The following BIRC6 variants were observed in gnomAD, a reference collection of about 807,000 sequenced individuals.
The protein encoded by BIRC6 is dual E2 ubiquitin-conjugating enzyme/E3 ubiquitin-protein ligase BIRC6.
BIRC6 carries 98 observed loss-of-function variants against 503.3 expected under a neutral mutation model. The ratio of observed to expected loss-of-function variants is 0.19; its 90% CI spans 0.17 to 0.23. The LOEUF (loss-of-function observed/expected upper bound fraction) is 0.23. Ranked by LOEUF, BIRC6 falls within the 10% of genes least tolerant of loss-of-function variation. The pLI is 1.00. For synonymous variants in BIRC6, 2,240 were observed against 2,078.7 expected, an observed-to-expected ratio of 1.08 and a Z score of -2.11; for missense variants, 5,360 against 5,806.0, an observed-to-expected ratio of 0.92 and a Z score of 2.50.
Position 32,480,150 on chromosome 2 carries a change from A to G in BIRC6, c.7408+533A>G, listed in dbSNP as rs73922730. Among the ~76,000 whole-genome samples the G allele has an allele frequency of 6.4e-3, 966 of 152,052 alleles. 10 individuals are homozygous for G. The highest frequency in any genetic ancestry group is 0.022 in the African/African-American group (909 of 41,476). On this transcript the variant is annotated intron_variant, in intron 37 of 73. Transcript: ENST00000421745. ...ATCTTATGTTTGCTCATGATTTTCTATTTTTTACTTGATATTCTCTTTATC... is the reference window on the plus strand; with the variant it reads ...ATCTTATGTTTGCTCATGATTTTCTGTTTTTTACTTGATATTCTCTTTATC...
chr2:32,514,239 T>C (rs188199928), intron 54 of BIRC6, among the ~76,000 whole-genome samples: 2 of 152,150 alleles, frequency 1.3e-5, no homozygotes. Context: ...GAGGATCACT[T>C]GAACCCAGGA....
At chr2:32,419,456 AAAAT>A (rs1186849258) in intron 10 of BIRC6, among the ~76,000 whole-genome samples, 1 of 152,074 alleles carries the variant, frequency 6.6e-6, no homozygotes, top group Admixed American at 6.5e-5. Context: ...TAAAAGGCAT[AAAAT>A]AAAAAAGTAT....
intron 50 of BIRC6, among the ~76,000 whole-genome samples, chr2:32,507,501 A>T (rs1340142090): frequency 6.6e-6 from 1 of 152,220 alleles, no homozygotes; most frequent in Non-Finnish European, 1.5e-5. Flanking sequence ...CTCAATGTTT[A>T]AAAAAATCAC....
intron 10 of BIRC6, among the ~76,000 whole-genome samples, chr2:32,424,286 TG>T (rs1451581074): frequency 6.6e-6 from 1 of 152,078 alleles, no homozygotes; most frequent in African/African-American, 2.4e-5. Flanking sequence ...ATATACATAT[TG>T]GGTTTGATAC....
At chr2:32,510,768 C>G (rs1326576340) in intron 53 of BIRC6, 134 bp downstream of exon 53, 2 of 605,400 alleles carry the variant, frequency 3.3e-6, no homozygotes, top group Non-Finnish European at 2.9e-6. Flanking sequence ...TACCATATGC[C>G]TCACACGATG....
intron 65 of BIRC6, 120 bp from the exon 66 acceptor site, chr2:32,575,036 G>C: frequency 9.7e-7 from 1 of 1,033,696 alleles, no homozygotes; most frequent in Non-Finnish European, 1.5e-6. Context: ...GCCTGAACCA[G>C]CGTGCCCAGC....
intron 3 of BIRC6, among the ~76,000 whole-genome samples, chr2:32,384,463 G>T (rs2038155255): frequency 6.6e-6 from 1 of 151,930 alleles, no homozygotes; most frequent in African/African-American, 2.4e-5. Context: ...CAGTCCACAG[G>T]CAATGGACTA....
At chr2:32,367,641 C>G (rs1019236382) in intron 1 of BIRC6, among the ~76,000 whole-genome samples, 2 of 151,854 alleles carry the variant, frequency 1.3e-5, no homozygotes, top group Admixed American at 1.3e-4. Flanking sequence ...CTTGGTGAAA[C>G]CCCGTCTCTA....
chr2:32,369,945 A>AAAAAATAT (rs1553373676), intron 1 of BIRC6, among the ~76,000 whole-genome samples: 1 of 44,220 alleles, frequency 2.3e-5, no homozygotes, highest in African/African-American at 1.3e-4. Context: ...AAAAAAAAAA[A>AAAAAATAT]ATATATATAT....
chr2:32,411,734 C>T (rs1416097609), intron 9 of BIRC6, among the ~76,000 whole-genome samples: 2 of 152,068 alleles, frequency 1.3e-5, no homozygotes, highest in Non-Finnish European at 2.9e-5. Context: ...CTGCCTTGGC[C>T]TCCCAAAGTA....
At chr2:32,507,690 G>C (rs1354492208) in intron 50 of BIRC6, among the ~76,000 whole-genome samples, 2 of 152,120 alleles carry the variant, frequency 1.3e-5, no homozygotes, top group East Asian at 1.9e-4. Context: ...TATTCATAGG[G>C]AGCATCAGGT....
In BIRC6 at chr2:32,525,589, A is replaced by C. The variant is rs1162611764; in HGVS notation, c.11881A>C (p.Thr3961Pro). 3.1e-6 allele frequency: 5 copies of C among 1,613,820 alleles called. No individual in the cohort carries two copies. Among genetic ancestry groups the C allele is most frequent in the Non-Finnish European group, 3.4e-6 (4 of 1,179,872 alleles). ...AGCAGAGGCTGCCAACAAAATAATT[A>C]CTGTCCCAGTGTTTCACCTGTTTCA... The part of the protein sequence containing the change: ...SGAEAANKII[T>P]VPVFHLFHKL... The change falls in exon 59 of 74, where the codon ACT becomes CCT. Residue 3961 changes from threonine (T) to proline (P), a missense_variant. This residue lies in a region of BIRC6 where 878 missense variants were observed against 928.9 expected (regional missense o/e 0.95). Coordinates refer to ENST00000421745, the MANE Select transcript of BIRC6 (RefSeq NM_016252.4).
intron 73 of BIRC6, 127 bp downstream of exon 73, chr2:32,611,709 G>A (rs2062886299): frequency 9.9e-7 from 1 of 1,011,770 alleles, no homozygotes; most frequent in African/African-American, 1.7e-5. Context: ...TTTCAGTTCA[G>A]AGGAATAAAT....
chr2:32,489,540 A>C (rs1477087816), intron 42 of BIRC6, among the ~76,000 whole-genome samples: 4 of 152,168 alleles, frequency 2.6e-5, no homozygotes, highest in Non-Finnish European at 4.4e-5. Flanking sequence ...GGCTGGGCAC[A>C]GTGGCTCACA....
intron 23 of BIRC6, among the ~76,000 whole-genome samples, chr2:32,457,030 T>TG (rs2047336952): frequency 6.6e-6 from 1 of 152,202 alleles, no homozygotes; most frequent in South Asian, 2.1e-4. Context: ...TACCTGGGAT[T>TG]GCAGGCACAC....
Position 32,377,716 on chromosome 2 carries a change from A to G in BIRC6, c.454A>G (p.Thr152Ala). 6.2e-7 allele frequency: 1 copy of G among 1,613,558 alleles called. No homozygotes were observed. Among genetic ancestry groups the G allele is most frequent in the Non-Finnish European group, 8.5e-7 (1 of 1,179,724 alleles). ...CTTGTTGTTAGACACTGCTCTGCAA[A>G]CTCCAGTTTCAAAGCAGGATGATGT... ...GILLLDTALQ[T>A]PVSKQDDVVQ... The change falls in exon 2 of 74, where the codon ACT (threonine) becomes GCT (alanine). Residue 152 changes from threonine (T) to alanine (A), a missense_variant. By Grantham distance (58) the Thr-to-Ala change is moderately conservative. This residue lies in a region of BIRC6 where 134 missense variants were observed against 150.9 expected (regional missense o/e 0.89). Transcript: ENST00000421745.
intron 3 of BIRC6, among the ~76,000 whole-genome samples, chr2:32,386,914 T>C (rs993163045): frequency 6.6e-6 from 1 of 152,146 alleles, no homozygotes; most frequent in Non-Finnish European, 1.5e-5. Flanking sequence ...TTCAGTTGCC[T>C]GTTTTATATT....
chr2:32,500,679 C>T (rs1355521457), intron 46 of BIRC6, among the ~76,000 whole-genome samples: 1 of 126,486 alleles, frequency 7.9e-6, no homozygotes, highest in East Asian at 2.7e-4. Flanking sequence ...GATCTCGGTT[C>T]ATTGCAACCT....
chr2:32,407,561 A>G (rs1161696356), intron 9 of BIRC6, among the ~76,000 whole-genome samples: 1 of 152,094 alleles, frequency 6.6e-6, no homozygotes, highest in African/African-American at 2.4e-5. Context: ...GCTATTGTTT[A>G]ATGTTAGATG....
Sources: gnomAD v4.1 joint callset for allele counts (sites outside exome capture counted in the v4.1 genomes callset) on GRCh38, gnomAD v4.1.1 for gene constraint, gnomAD v4.1.1 regional missense constraint, MANE v1.5 for transcripts, NCBI Gene and HGNC (gene_info 2026-07-23, HGNC 2026-07-21) for gene names.